Variants in PCDHGC4 observed in about 807,000 individuals in gnomAD.
PCDHGC4 encodes protocadherin gamma subfamily C, 4.
A neutral mutation model predicts 59.7 loss-of-function variants in PCDHGC4; 15 were observed. That is an observed-to-expected ratio of 0.25 (90% CI 0.17 to 0.39). The LOEUF (loss-of-function observed/expected upper bound fraction) is 0.39. Among genes scored for constraint, PCDHGC4 ranks in the 10% least tolerant of loss-of-function variants. The probability of loss-of-function intolerance (pLI) is 1.00; values close to 1 mark genes in which losing one functional copy is unlikely to be tolerated. For synonymous variants in PCDHGC4, 434 were observed against 481.4 expected (o/e 0.90, Z 1.29); for missense variants, 1,016 against 1,189.5 (o/e 0.85, Z 2.15).
At position 141,490,909 on chromosome 5, in the gene PCDHGC4, G is replaced by A. The variant is rs1170664693; in HGVS notation, c.2442+3294G>A. On this transcript the variant is annotated intron_variant, in intron 1 of 3. Coordinates refer to ENST00000306593, the MANE Select transcript of PCDHGC4 (RefSeq NM_018928.3). The surrounding 1 kb of genome is among the most constrained non-coding windows in gnomAD (Gnocchi z 5.4). ...ATCTCTGCATGTGTTTGTCCTAGAC[G>A]AGAATGATAATGCCCCAGCTGTGCT... The A allele has an allele frequency of 1.1e-5, 17 of 1,613,626 alleles. No individual in the cohort carries two copies. Among genetic ancestry groups the A allele is most frequent in the East Asian group, 4.5e-5 (2 of 44,882 alleles).
At chr5:141,492,241 C>G (rs1351937353) in intron 1 of PCDHGC4, among the ~76,000 whole-genome samples, 2 of 152,186 alleles carry the variant, frequency 1.3e-5, no homozygotes, top group East Asian at 3.9e-4. Context: ...TGCTGGCCAC[C>G]CCCACGGCCC....
Position 141,491,458 on chromosome 5 carries a change from G to C in PCDHGC4, c.2443-3349G>C. 1 of 1,614,092 alleles carries C rather than the reference G, an allele frequency of 6.2e-7. No individual in the cohort carries two copies. The highest frequency in any genetic ancestry group is 8.5e-7 in the Non-Finnish European group (1 of 1,180,022). On this transcript the variant is annotated intron_variant, in intron 1 of 3. Coordinates refer to ENST00000306593, the MANE Select transcript of PCDHGC4 (RefSeq NM_018928.3). The surrounding 1 kb of genome is among the most constrained non-coding windows in gnomAD (Gnocchi z 6.9). Reference sequence around the variant, plus strand: ...CAGGCGCCAGGACTCACCCTCCCCGGACTTCTATAAGCAGTCCAGCCCCAA... The same window carrying C: ...CAGGCGCCAGGACTCACCCTCCCCGCACTTCTATAAGCAGTCCAGCCCCAA...
chr5:141,486,522 A>G lies in PCDHGC4; in HGVS notation c.1349A>G (p.Asp450Gly). 1 of 1,614,174 alleles carries G rather than the reference A, an allele frequency of 6.2e-7. No homozygotes were observed. Among genetic ancestry groups the G allele is most frequent in the Non-Finnish European group, 8.5e-7 (1 of 1,180,024 alleles). The change falls in exon 1 of 4, where the codon GAT (aspartate) becomes GGT (glycine). Residue 450 changes from aspartate (D) to glycine (G), a missense_variant. Asp to Gly is a moderately conservative substitution (Grantham distance 94, BLOSUM62 -1). Transcript: ENST00000306593. The surrounding 1 kb of genome is among the most constrained non-coding windows in gnomAD (Gnocchi z 5.0). The stretch of plus-strand genomic sequence containing the variant: ...TTCCTCAATATTTCAGATGTGAATG[A>G]TAATCCACCCTCTTTCTTTCAGAGG... ...TIFLNISDVNDNPPSFFQRSH... is the reference protein window; with the variant it reads ...TIFLNISDVNGNPPSFFQRSH...
rs200464357 is a variant in PCDHGC4 at position 141,489,983 on chromosome 5, G to A, written c.2442+2368G>A. 4.5e-5 allele frequency: 73 copies of A among 1,614,172 alleles called. No homozygotes were observed. Among genetic ancestry groups the A allele is most frequent in the Middle Eastern group, 3.3e-4 (2 of 6,062 alleles). ...CCAACCTTCCAATCCTCAGTTCTAC[G>A]TGTGGGAATCCCAGAGAATGCACCC... On this transcript the variant is annotated intron_variant, in intron 1 of 3. Coordinates refer to ENST00000306593, the MANE Select transcript of PCDHGC4 (RefSeq NM_018928.3). This position sits in a 1 kb window ranked among gnomAD's most constrained non-coding sequence, Gnocchi z 4.5.
At chr5:141,488,189 T>G (rs574621860) in intron 1 of PCDHGC4, among the ~76,000 whole-genome samples, 2 of 152,316 alleles carry the variant, frequency 1.3e-5, no homozygotes, top group Non-Finnish European at 2.9e-5. Context: ...TCTTTTGGTC[T>G]GGGTCTTAGG....
chr5:141,491,955 A>T lies in PCDHGC4; in HGVS notation c.2443-2852A>T. Reference sequence around the variant, plus strand: ...GGGACCGACCCCCACCCCTACACTCAAAAAAGGCCGGGGCCTCCTTCGAGC... The same window carrying T: ...GGGACCGACCCCCACCCCTACACTCTAAAAAGGCCGGGGCCTCCTTCGAGC... On this transcript the variant is annotated intron_variant, in intron 1 of 3. Coordinates refer to ENST00000306593, the MANE Select transcript of PCDHGC4 (RefSeq NM_018928.3). This position sits in a 1 kb window ranked among gnomAD's most constrained non-coding sequence, Gnocchi z 6.9. 9.7e-7 allele frequency: 1 copy of T among 1,029,648 alleles called. No homozygotes were observed. The highest frequency in any genetic ancestry group is 2.2e-5 in the South Asian group (1 of 44,530). The allele number at this position is 1,029,648 out of a possible 1,614,324, so 63.8% of individuals were successfully genotyped here. A position where few individuals can be genotyped will look rare whatever the true frequency, so the allele number is the denominator to read the frequency against.
chr5:141,494,142 A>G (rs2099752161), intron 1 of PCDHGC4, among the ~76,000 whole-genome samples: 1 of 152,090 alleles, frequency 6.6e-6, no homozygotes, highest in South Asian at 2.1e-4. Context: ...TTAGTCACAG[A>G]CCATTGTCTG....
chr5:141,485,888 G>T lies in PCDHGC4; in HGVS notation c.715G>T (p.Ala239Ser), dbSNP rs1166795987. 3 of 1,614,028 alleles carry T rather than the reference G, an allele frequency of 1.9e-6. No homozygotes were observed. The highest frequency in any genetic ancestry group is 2.5e-6 in the Non-Finnish European group (3 of 1,180,032). ...RVSVLDVNDN[A>S]PAFQQSSYRI... is the part of the protein sequence containing the mutation. ...ATCCGTGCTGGACGTAAACGACAAC[G>T]CCCCAGCCTTCCAGCAATCCAGCTA... Residue 239 changes from alanine (A) to serine (S), a missense_variant, in exon 1 of 4, where the codon GCC becomes TCC. Ala to Ser is a moderately conservative substitution (Grantham distance 99). Coordinates refer to ENST00000306593, the MANE Select transcript of PCDHGC4 (RefSeq NM_018928.3). The surrounding 1 kb of genome is among the most constrained non-coding windows in gnomAD (Gnocchi z 5.7).
chr5:141,486,401 G>T lies in PCDHGC4; in HGVS notation c.1228G>T (p.Ala410Ser). 6.2e-7 allele frequency: 1 copy of T among 1,614,174 alleles called. No individual in the cohort carries two copies. The change falls in exon 1 of 4, where the codon GCT becomes TCT. Residue 410 changes from alanine to serine, a missense_variant. Transcript: ENST00000306593. The surrounding 1 kb of genome is among the most constrained non-coding windows in gnomAD (Gnocchi z 5.0). ...AFRNQFSLVT[A>S]GPLDREAKSS... ...CAGGAACCAGTTCTCCCTGGTGACT[G>T]CTGGACCCTTGGATCGAGAGGCCAA...
chr5:141,494,074 C>A (rs2099751716), intron 1 of PCDHGC4, among the ~76,000 whole-genome samples: 1 of 152,180 alleles, frequency 6.6e-6, no homozygotes, highest in Non-Finnish European at 1.5e-5. Context: ...GGATCCCTCC[C>A]CGCTGCATCC....
chr5:141,490,061 A>T lies in PCDHGC4; in HGVS notation c.2442+2446A>T. The stretch of plus-strand genomic sequence containing the variant: ...GCCACTGATCCAGACGAGGGCACCA[A>T]CGGCCAACTAGACTATTCTTTTGGA... On this transcript the variant is annotated intron_variant, in intron 1 of 3. Transcript: ENST00000306593. This position sits in a 1 kb window ranked among gnomAD's most constrained non-coding sequence, Gnocchi z 5.4. 1 of 1,614,214 alleles carries T rather than the reference A, an allele frequency of 6.2e-7. No homozygotes were observed. The highest frequency in any genetic ancestry group is 8.5e-7 in the Non-Finnish European group (1 of 1,180,030).
chr5:141,504,824 C>T (rs537283013), intron 2 of PCDHGC4, among the ~76,000 whole-genome samples: 4 of 152,230 alleles, frequency 2.6e-5, no homozygotes, highest in South Asian at 4.1e-4. Context: ...TAGGTCCCCA[C>T]TTTTTCTCTA....
Position 141,486,446 on chromosome 5 carries a change from G to T in PCDHGC4, c.1273G>T (p.Val425Phe). ...REAKSSYDIM[V>F]TASDAGNPPL... ...GGCCAAATCTAGCTATGACATCATGGTCACTGCTTCTGATGCTGGGAACCC... is the reference window on the plus strand; with the variant it reads ...GGCCAAATCTAGCTATGACATCATGTTCACTGCTTCTGATGCTGGGAACCC... The change falls in exon 1 of 4, where the codon GTC becomes TTC. Residue 425 changes from valine to phenylalanine, a missense_variant. By Grantham distance (50) the Val-to-Phe change is conservative (BLOSUM62 -1). Coordinates refer to ENST00000306593, the MANE Select transcript of PCDHGC4 (RefSeq NM_018928.3). The surrounding 1 kb of genome is among the most constrained non-coding windows in gnomAD (Gnocchi z 5.0). 2 of 1,614,126 alleles carry T rather than the reference G, an allele frequency of 1.2e-6. No individual in the cohort carries two copies. Among genetic ancestry groups the T allele is most frequent in the Non-Finnish European group, 1.7e-6 (2 of 1,180,004 alleles).
chr5:141,498,703 G>A (rs961006063), intron 2 of PCDHGC4, among the ~76,000 whole-genome samples: 7 of 152,228 alleles, frequency 4.6e-5, no homozygotes, highest in Non-Finnish European at 8.8e-5. Flanking sequence ...AGGCTGAGGT[G>A]GGTGGATCAC....
Position 141,487,819 on chromosome 5 carries a change from C to T in PCDHGC4, c.2442+204C>T, listed in dbSNP as rs559702138. 28 of 1,285,530 alleles carry T rather than the reference C, an allele frequency of 2.2e-5. No homozygotes were observed. The highest frequency in any genetic ancestry group is 7.6e-5 in the East Asian group (3 of 39,466). 79.6% of individuals were successfully genotyped at this position (1,285,530 alleles called of 1,614,324 possible). ...AGTTGTCACAGTTTAGCATTGGGGG[C>T]GGGTCATGCCTATATCTGAGTAAGA... is the stretch of plus-strand genomic sequence containing the variant. On this transcript the variant is annotated intron_variant, in intron 1 of 3. Transcript: ENST00000306593. The surrounding 1 kb of genome is among the most constrained non-coding windows in gnomAD (Gnocchi z 5.0).
chr5:141,511,351 C>G lies in PCDHGC4; in HGVS notation c.*178C>G, dbSNP rs1190324197. On this transcript the variant is annotated 3_prime_UTR_variant, in exon 4 of 4. Coordinates refer to ENST00000306593, the MANE Select transcript of PCDHGC4 (RefSeq NM_018928.3). The stretch of plus-strand genomic sequence containing the variant: ...CCAGTCAGCACCTACCCCTTCCCCC[C>G]CAGGGGGTTGAATATGCAAAAGCAG... 6 of 1,386,432 alleles carry G rather than the reference C, an allele frequency of 4.3e-6. No individual in the cohort carries two copies. The highest frequency in any genetic ancestry group is 2.9e-5 in the African/African-American group (2 of 68,574). The allele number at this position is 1,386,432 out of a possible 1,614,324, so 85.9% of individuals were successfully genotyped here.
chr5:141,494,906 A>T, intron 2 of PCDHGC4, 41 bp downstream of exon 2: 1 of 1,613,800 alleles, frequency 6.2e-7, no homozygotes, highest in Non-Finnish European at 8.5e-7. Flanking sequence ...TCTCTGCGGC[A>T]TTTTCTCAGG....
At chr5:141,510,334 C>G (rs1463634534) in intron 3 of PCDHGC4, among the ~76,000 whole-genome samples, 1 of 151,448 alleles carries the variant, frequency 6.6e-6, no homozygotes, top group African/African-American at 2.4e-5. Context: ...TCTTCACCCC[C>G]ACCCCACACA....
In PCDHGC4 at chr5:141,486,341, C is replaced by T; in HGVS notation, c.1168C>T (p.Pro390Ser). Residue 390 changes from proline (P) to serine (S), a missense_variant, in exon 1 of 4, where the codon CCT (proline) becomes TCT (serine). Coordinates refer to ENST00000306593, the MANE Select transcript of PCDHGC4 (RefSeq NM_018928.3). The surrounding 1 kb of genome is among the most constrained non-coding windows in gnomAD (Gnocchi z 5.0). ...AAACGGAGATGTGAGCCTCCGCATTCCTGACCACTTGCCATTTGCCCTCAA... is the reference window on the plus strand; with the variant it reads ...AAACGGAGATGTGAGCCTCCGCATTTCTGACCACTTGCCATTTGCCCTCAA... ...GSNGDVSLRI[P>S]DHLPFALKSA... is the part of the protein sequence containing the mutation. The T allele has an allele frequency of 6.2e-7, 1 of 1,614,128 alleles. No individual in the cohort carries two copies. Among genetic ancestry groups the T allele is most frequent in the Non-Finnish European group, 8.5e-7 (1 of 1,179,992 alleles).
Sources: allele counts gnomAD v4.1 joint callset (sites outside exome capture counted in the v4.1 genomes callset), GRCh38; gene constraint gnomAD v4.1.1; non-coding constraint Gnocchi (gnomAD v3.1); transcripts MANE v1.5; gene names NCBI Gene and HGNC (gene_info 2026-07-23, HGNC 2026-07-21).